Variants in RIIAD1 observed in about 807,000 individuals in gnomAD.
The protein encoded by RIIAD1 is RIIa domain-containing protein 1.
RIIAD1 carries 15 observed loss-of-function variants against 13.3 expected under a neutral mutation model. The ratio of observed to expected loss-of-function variants is 1.13; its 90% confidence interval spans 0.76 to 1.74. The LOEUF (loss-of-function observed/expected upper bound fraction) is 1.74. RIIAD1 is among the 40% of genes most tolerant of loss of function. RIIAD1 has a pLI of 0.00. For synonymous variants in RIIAD1, 50 were observed against 43.3 expected (o/e 1.16, Z -0.61); for missense variants, 121 against 112.2 (o/e 1.08, Z -0.35).
At chr1:151,729,071 G>A (rs1284975517) in intron 4 of RIIAD1, among the ~76,000 whole-genome samples, 178 bp downstream of exon 4, 1 of 152,202 alleles carries the variant, frequency 6.6e-6, no homozygotes, top group Non-Finnish European at 1.5e-5. Flanking sequence ...AGAGGCCCAG[G>A]GTTGATCTGT....
At chr1:151,715,258 C>T (rs1266170148) in intron 4 of RIIAD1, among the ~76,000 whole-genome samples, 1 of 152,014 alleles carries the variant, frequency 6.6e-6, no homozygotes, top group Non-Finnish European at 1.5e-5. Flanking sequence ...CCTGACCGCC[C>T]CCACTTAGCC....
At chr1:151,727,163 G>A (rs1673845629) in intron 2 of RIIAD1, among the ~76,000 whole-genome samples, 1 of 152,176 alleles carries the variant, frequency 6.6e-6, no homozygotes, top group Non-Finnish European at 1.5e-5. Context: ...TGTAGTCCCA[G>A]CTAGTCGAGA....
At chr1:151,721,764 CCGG>C in intron 1 of RIIAD1, 144 bp downstream of exon 1, 1 of 513,896 alleles carries the variant, frequency 1.9e-6, no homozygotes, top group Non-Finnish European at 3.3e-6. Flanking sequence ...GGGGAGACCC[CCGG>C]CGGACCTCTA....
At chr1:151,723,527 C>A (rs1052825873) in intron 2 of RIIAD1, among the ~76,000 whole-genome samples, 6 of 151,510 alleles carry the variant, frequency 4.0e-5, no homozygotes, top group African/African-American at 1.5e-4. Flanking sequence ...TGAGGAAACC[C>A]TGTCTCTACT....
At chr1:151,713,798 C>A (rs1265419210) in intron 3 of RIIAD1, among the ~76,000 whole-genome samples, 1 of 152,192 alleles carries the variant, frequency 6.6e-6, no homozygotes, top group African/African-American at 2.4e-5. Flanking sequence ...GGATTTGCCG[C>A]AGTTGGCTTT....
At chr1:151,727,782 T>G (rs548889089) in intron 3 of RIIAD1, among the ~76,000 whole-genome samples, 161 bp downstream of exon 3, 1 of 152,276 alleles carries the variant, frequency 6.6e-6, no homozygotes, top group Admixed American at 6.5e-5. Flanking sequence ...CTTTCCTCCA[T>G]CATCATTTCC....
At chr1:151,727,331 G>A (rs186024529) in intron 2 of RIIAD1, among the ~76,000 whole-genome samples, 18 of 152,314 alleles carry the variant, frequency 1.2e-4, no homozygotes, top group African/African-American at 3.4e-4. Context: ...CTGCAGCACA[G>A]CTCTTTCTCG....
chr1:151,719,758 T>A, upstream of RIIAD1: 1 of 652,588 alleles, frequency 1.5e-6, no homozygotes, highest in South Asian at 1.7e-5. Flanking sequence ...AAGTAGCCCC[T>A]CTCATACATG....
intron 2 of RIIAD1, among the ~76,000 whole-genome samples, chr1:151,725,331 C>G (rs1319927337): frequency 6.7e-6 from 1 of 149,658 alleles, no homozygotes; most frequent in Non-Finnish European, 1.5e-5. Flanking sequence ...AGGCTGGTCT[C>G]AAACTCCTGT....
intron 4 of RIIAD1, chr1:151,714,731 C>A: frequency 8.0e-7 from 1 of 1,254,984 alleles, no homozygotes; most frequent in South Asian, 1.3e-5. Context: ...TCCATCTCCC[C>A]TCTCTGAAAG....
rs144202216 is a variant in RIIAD1, at chr1:151,725,953, G to C, written c.162-1622G>C. 2.9e-4 allele frequency among the ~76,000 whole-genome samples: 44 copies of C among 152,122 alleles called. 1 individual carries two copies. Among genetic ancestry groups the C allele is most frequent in the Non-Finnish European group, 5.7e-4 (39 of 68,030 alleles). On this transcript the variant is annotated intron_variant, in intron 2 of 4. Coordinates refer to ENST00000479191, the MANE Select transcript of RIIAD1 (RefSeq NM_001144956.3). ...TTCTGCTCATTCTGCTGACCCTATG[G>C]AGCTCAGGCACAGATGCCTCTTGAG...
At chr1:151,715,652 C>G in intron 4 of RIIAD1, 1 of 1,508,454 alleles carries the variant, frequency 6.6e-7, no homozygotes, top group Non-Finnish European at 8.9e-7. Flanking sequence ...TTGCAGCCGT[C>G]TTGACAACTC....
intron 2 of RIIAD1, among the ~76,000 whole-genome samples, chr1:151,726,676 G>A (rs528101325): frequency 2.0e-5 from 3 of 152,342 alleles, no homozygotes; most frequent in Admixed American, 2.0e-4. Context: ...TTGTTTCACA[G>A]GGTTGTTGTA....
intron 3 of RIIAD1, among the ~76,000 whole-genome samples, chr1:151,714,126 G>A (rs548348996): frequency 6.0e-4 from 91 of 152,198 alleles, no homozygotes; most frequent in Non-Finnish European, 1.1e-3. Flanking sequence ...GAGAGCTCAA[G>A]AACCAGCACC....
intron 2 of RIIAD1, among the ~76,000 whole-genome samples, chr1:151,724,312 G>A (rs1571949138): frequency 6.6e-6 from 1 of 152,110 alleles, no homozygotes; most frequent in East Asian, 1.9e-4. Flanking sequence ...TCTTTTCCTG[G>A]GTGGAGCTTG....
At chr1:151,728,603 AC>A (rs1647232401) in intron 3 of RIIAD1, 162 bp from the exon 4 acceptor site, 16 of 608,072 alleles carry the variant, frequency 2.6e-5, no homozygotes, top group Non-Finnish European at 4.1e-5. Flanking sequence ...GGGGGCAGTG[AC>A]CGTTCATTTT....
At chr1:151,716,693 T>TCCCCCCC, upstream of RIIAD1, 1 of 107,764 alleles carries the variant, frequency 9.3e-6, no homozygotes, top group Non-Finnish European at 2.0e-5. Flanking sequence ...CCCACCCCAG[T>TCCCCCCC]CCCCGGGCCT....
intron 2 of RIIAD1, among the ~76,000 whole-genome samples, chr1:151,723,333 G>T (rs1673773228): frequency 6.6e-6 from 1 of 152,032 alleles, no homozygotes; most frequent in Non-Finnish European, 1.5e-5. Context: ...GGCAAAGGTT[G>T]CAGTGAGCTG....
intron 2 of RIIAD1, among the ~76,000 whole-genome samples, 198 bp downstream of exon 2, chr1:151,722,360 A>G (rs1208107277): frequency 6.6e-6 from 1 of 152,272 alleles, no homozygotes; most frequent in South Asian, 2.1e-4. Flanking sequence ...CACTGGGTGT[A>G]GAACACTATT....
Sources: gnomAD v4.1 joint callset for allele counts (sites outside exome capture counted in the v4.1 genomes callset) on GRCh38, gnomAD v4.1.1 for gene constraint, MANE v1.5 for transcripts, NCBI Gene and HGNC (gene_info 2026-07-23, HGNC 2026-07-21) for gene names.